ARL15: variants seen among roughly 807,000 people sequenced by gnomAD.
The protein encoded by ARL15 is ADP-ribosylation factor-like protein 15.
Under a neutral mutation model 25.2 loss-of-function variants are expected in ARL15, and 19 were observed. The ratio of observed to expected loss-of-function variants is 0.75; its 90% CI spans 0.53 to 1.10. The LOEUF is 1.10. ARL15 is among the 50% of genes least tolerant of loss of function. ARL15 has a pLI of 0.00. For synonymous variants in ARL15, 94 were observed against 86.8 expected (o/e 1.08, Z -0.46); for missense variants, 220 against 246.0 (o/e 0.89, Z 0.71).
chr5:54,233,559 T>C (rs1006010551), intron 1 of ARL15, among the ~76,000 whole-genome samples: 3 of 152,224 alleles, frequency 2.0e-5, no homozygotes, highest in Non-Finnish European at 2.9e-5. Flanking sequence ...CCAAGACCAA[T>C]GTGTAATATT....
intron 1 of ARL15, among the ~76,000 whole-genome samples, chr5:54,176,027 A>G (rs896947664): frequency 2.0e-5 from 3 of 152,116 alleles, no homozygotes; most frequent in Non-Finnish European, 4.4e-5. Context: ...CGAATGTCAT[A>G]AGGACATCCA....
chr5:54,277,790 A>G (rs1183399708), intron 1 of ARL15, among the ~76,000 whole-genome samples: 1 of 152,156 alleles, frequency 6.6e-6, no homozygotes, highest in East Asian at 1.9e-4. Context: ...TGCAAAGGCC[A>G]AAGAAGAATT....
At chr5:54,162,449 G>T (rs1754433667) in intron 2 of ARL15, among the ~76,000 whole-genome samples, 1 of 152,110 alleles carries the variant, frequency 6.6e-6, no homozygotes, top group African/African-American at 2.4e-5. Flanking sequence ...CTAGCAAACA[G>T]AGCTTTTCCT....
At chr5:54,017,937 T>C (rs75426617) in intron 4 of ARL15, among the ~76,000 whole-genome samples, 138 of 152,178 alleles carry the variant, frequency 9.1e-4, no homozygotes, top group African/African-American at 3.1e-3. Flanking sequence ...ACTAGATAGA[T>C]ACCATAAACA....
intron 1 of ARL15, among the ~76,000 whole-genome samples, chr5:54,180,733 T>A (rs1452119019): frequency 6.6e-6 from 1 of 152,208 alleles, no homozygotes; most frequent in East Asian, 1.9e-4. Context: ...CCCTTTGTAT[T>A]TCTCAATCCA....
At chr5:54,302,937 G>A (rs1758652410) in intron 1 of ARL15, among the ~76,000 whole-genome samples, 2 of 151,858 alleles carry the variant, frequency 1.3e-5, no homozygotes, top group Admixed American at 1.3e-4. Context: ...ATAACACAGG[G>A]GGCTGCAGGA....
intron 3 of ARL15, among the ~76,000 whole-genome samples, chr5:54,132,787 G>A (rs776171309): frequency 6.6e-6 from 1 of 152,140 alleles, no homozygotes; most frequent in Non-Finnish European, 1.5e-5. Context: ...GCTGGTGGGA[G>A]TGTAGCAGTG....
intron 4 of ARL15, among the ~76,000 whole-genome samples, chr5:54,045,713 G>A (rs1369126095): frequency 6.6e-6 from 1 of 152,040 alleles, no homozygotes; most frequent in African/African-American, 2.4e-5. Context: ...CATAGAGAGA[G>A]TGGGGCAGAG....
At chr5:54,158,581 A>T (rs1292156232) in intron 2 of ARL15, among the ~76,000 whole-genome samples, 1 of 152,202 alleles carries the variant, frequency 6.6e-6, no homozygotes, top group Non-Finnish European at 1.5e-5. Context: ...CTGTCCCAAG[A>T]AGAAAGTGAA....
chr5:54,048,710 C>A (rs1750610224), intron 4 of ARL15, among the ~76,000 whole-genome samples: 1 of 151,008 alleles, frequency 6.6e-6, no homozygotes, highest in African/African-American at 2.4e-5. Context: ...AGCCAAAATT[C>A]TATATTTCAT....
intron 4 of ARL15, among the ~76,000 whole-genome samples, chr5:54,073,065 G>C (rs909324043): frequency 1.2e-4 from 18 of 152,136 alleles, no homozygotes; most frequent in African/African-American, 4.3e-4. Context: ...CTTAAAATAA[G>C]TTATCAAGTC....
rs566513177 is a variant in ARL15 at position 54,021,222 on chromosome 5, G to C, written c.462+91980C>G. Among the ~76,000 whole-genome samples, 103 of 150,986 alleles carry C rather than the reference G, an allele frequency of 6.8e-4. 1 individual carries two copies. Among genetic ancestry groups the C allele is most frequent in the Middle Eastern group, 3.5e-3 (1 of 284 alleles). ...TGGTGGCACATGCCTGTAATCCCAG[G>C]TACTTGGGAGGCTGAGGCAGGAGAA... On this transcript the variant is annotated intron_variant, in intron 4 of 4. Transcript: ENST00000504924.
chr5:53,954,308 C>T (rs889162863), intron 4 of ARL15, among the ~76,000 whole-genome samples: 2 of 152,206 alleles, frequency 1.3e-5, no homozygotes, highest in Non-Finnish European at 2.9e-5. Flanking sequence ...TCTGCAAATA[C>T]CTTCCTCTGT....
At chr5:54,181,903 T>C (rs909687892) in intron 1 of ARL15, among the ~76,000 whole-genome samples, 5 of 145,182 alleles carry the variant, frequency 3.4e-5, no homozygotes, top group Non-Finnish European at 7.5e-5. Context: ...TGGCCAGTGA[T>C]GATGAGCATT....
intron 4 of ARL15, among the ~76,000 whole-genome samples, chr5:53,960,492 A>G (rs1338071831): frequency 2.0e-5 from 3 of 152,112 alleles, no homozygotes; most frequent in Admixed American, 6.5e-5. Flanking sequence ...TAGAATACCT[A>G]ATGATGTAGA....
At chr5:54,253,592 GA>G (rs1195041899) in intron 1 of ARL15, among the ~76,000 whole-genome samples, 1 of 151,594 alleles carries the variant, frequency 6.6e-6, no homozygotes, top group Non-Finnish European at 1.5e-5. Flanking sequence ...TAAGGAATCA[GA>G]TTTTTTTTTT....
chr5:54,180,112 C>A (rs1215993563), intron 1 of ARL15, among the ~76,000 whole-genome samples: 1 of 151,302 alleles, frequency 6.6e-6, no homozygotes, highest in Non-Finnish European at 1.5e-5. Flanking sequence ...TTTGAAACAG[C>A]CTCAAATTAT....
intron 4 of ARL15, among the ~76,000 whole-genome samples, chr5:53,924,619 C>T (rs1745962510): frequency 6.6e-6 from 1 of 152,164 alleles, no homozygotes. Context: ...TCTTTCTACT[C>T]AGTGCCAGTT....
At chr5:54,106,830 G>A (rs1752602685) in intron 4 of ARL15, among the ~76,000 whole-genome samples, 1 of 151,968 alleles carries the variant, frequency 6.6e-6, no homozygotes, top group Non-Finnish European at 1.5e-5. Context: ...TTAAGGAGTA[G>A]ACAGAGAAGT....
Sources: allele counts gnomAD v4.1 joint callset (sites outside exome capture counted in the v4.1 genomes callset), GRCh38; gene constraint gnomAD v4.1.1; transcripts MANE v1.5; gene names NCBI Gene and HGNC (gene_info 2026-07-23, HGNC 2026-07-21).